Variants in DISC1 observed in about 807,000 individuals in gnomAD.
DISC1 encodes DISC1 scaffold protein.
A neutral mutation model predicts 84.5 loss-of-function variants in DISC1; 57 were observed. The observed-to-expected ratio is 0.67, with a 90% CI of 0.55 to 0.84. The LOEUF is 0.84. Among genes scored for constraint, DISC1 ranks in the 40% least tolerant of loss-of-function variants. DISC1 has a pLI of 0.00. For missense variants in DISC1, 1,000 were observed against 1,057.8 expected (o/e 0.95, Z 0.76); for synonymous variants, 411 against 415.2 (o/e 0.99, Z 0.12).
chr1:231,982,789 A>G (rs1275011425), intron 10 of DISC1, among the ~76,000 whole-genome samples: 3 of 152,144 alleles, frequency 2.0e-5, no homozygotes, highest in Non-Finnish European at 4.4e-5. Context: ...CGTGTGAAGA[A>G]CAAAATGAAA....
Position 231,633,326 on chromosome 1 carries a change from A to G in DISC1, c.67+6392A>G, listed in dbSNP as rs4285683. Among the ~76,000 whole-genome samples the G allele has an allele frequency of 3.3e-3, 500 of 152,292 alleles. 7 individuals are homozygous for G. The highest frequency in any genetic ancestry group is 0.012 in the African/African-American group (478 of 41,560). On this transcript the variant is annotated intron_variant, in intron 1 of 12. Transcript: ENST00000439617. ...GAATAGGCTACCCCGAAAGGCAGAG[A>G]GCATTTTGTCATTGGAAGTATGTAG...
intron 9 of DISC1, among the ~76,000 whole-genome samples, chr1:231,861,051 G>A (rs1235440207): frequency 6.6e-6 from 1 of 152,288 alleles, no homozygotes; most frequent in Non-Finnish European, 1.5e-5. Context: ...TCTAAAGAAA[G>A]TCTTCAACTT....
At chr1:231,713,707 T>TG (rs1488777868) in intron 3 of DISC1, among the ~76,000 whole-genome samples, 17 of 69,880 alleles carry the variant, frequency 2.4e-4, no homozygotes, top group African/African-American at 6.8e-4. Flanking sequence ...ATAGGAGATA[T>TG]ATATATATAT....
intron 9 of DISC1, among the ~76,000 whole-genome samples, chr1:231,864,993 G>A (rs948908242): frequency 4.6e-5 from 7 of 152,144 alleles, no homozygotes; most frequent in African/African-American, 1.7e-4. Flanking sequence ...CCACACCACG[G>A]CTGTGGTAGA....
chr1:231,824,135 G>A (rs1472230882), intron 9 of DISC1, among the ~76,000 whole-genome samples: 1 of 152,018 alleles, frequency 6.6e-6, no homozygotes, highest in Non-Finnish European at 1.5e-5. Context: ...CTTTGGCTAC[G>A]ACCTATGTAT....
intron 10 of DISC1, among the ~76,000 whole-genome samples, chr1:231,995,965 A>C (rs1665899006): frequency 6.6e-6 from 1 of 152,064 alleles, no homozygotes; most frequent in Non-Finnish European, 1.5e-5. Flanking sequence ...CAACAGTGTA[A>C]AAGTGTTCCT....
chr1:231,870,466 T>A (rs1482532093), intron 9 of DISC1, among the ~76,000 whole-genome samples: 1 of 152,194 alleles, frequency 6.6e-6, no homozygotes, highest in Admixed American at 6.5e-5. Flanking sequence ...TTGGCCAGAG[T>A]GTGCTGGCTT....
chr1:231,707,571 A>G (rs1407090546), intron 3 of DISC1, among the ~76,000 whole-genome samples: 4 of 152,214 alleles, frequency 2.6e-5, no homozygotes, highest in African/African-American at 2.4e-5. Context: ...TAGACCTGCA[A>G]ACACAAATGG....
intron 3 of DISC1, among the ~76,000 whole-genome samples, chr1:231,744,053 G>A (rs2073669722): frequency 6.6e-6 from 1 of 152,186 alleles, no homozygotes; most frequent in South Asian, 2.1e-4. Context: ...GTTGAAAAAT[G>A]TGTTTTAATT....
chr1:231,813,853 G>A (rs1006888988), intron 8 of DISC1, among the ~76,000 whole-genome samples: 1 of 152,032 alleles, frequency 6.6e-6, no homozygotes, highest in African/African-American at 2.4e-5. Context: ...ACCTCTCCTA[G>A]TATTTGTTTT....
intron 9 of DISC1, among the ~76,000 whole-genome samples, chr1:231,937,358 T>C (rs1200634808): frequency 6.6e-6 from 1 of 152,144 alleles, no homozygotes; most frequent in Non-Finnish European, 1.5e-5. Context: ...CAGGAAACTG[T>C]GGGGGTTGGA....
intron 6 of DISC1, among the ~76,000 whole-genome samples, chr1:231,773,677 C>T (rs543920598): frequency 2.6e-5 from 4 of 152,280 alleles, no homozygotes; most frequent in Non-Finnish European, 4.4e-5. Context: ...AGCCACTGCG[C>T]CCAGCCAATT....
At chr1:231,803,600 A>C (rs1002945969) in intron 8 of DISC1, among the ~76,000 whole-genome samples, 2 of 152,120 alleles carry the variant, frequency 1.3e-5, no homozygotes, top group African/African-American at 4.8e-5. Flanking sequence ...CTCTTGCAAC[A>C]TAGCAGCTGA....
At chr1:231,989,169 A>C (rs1158799960) in intron 10 of DISC1, among the ~76,000 whole-genome samples, 1 of 152,222 alleles carries the variant, frequency 6.6e-6, no homozygotes, top group African/African-American at 2.4e-5. Flanking sequence ...ACCATGAAGT[A>C]ATATCAGTTA....
chr1:231,984,415 A>T (rs995398351), intron 10 of DISC1, among the ~76,000 whole-genome samples: 1 of 152,160 alleles, frequency 6.6e-6, no homozygotes. Flanking sequence ...AAAGAGGGGG[A>T]AAGTTCAAAA....
At chr1:231,657,873 G>A (rs2061252239) in intron 1 of DISC1, among the ~76,000 whole-genome samples, 1 of 152,130 alleles carries the variant, frequency 6.6e-6, no homozygotes, top group Admixed American at 6.5e-5. Flanking sequence ...CTGCTGTTTT[G>A]GTTACTGTAG....
At position 231,694,028 on chromosome 1, in the gene DISC1, G is replaced by A. The variant is rs145101392; in HGVS notation, c.270G>A (p.Ser90=). 11 of 1,614,034 alleles carry A rather than the reference G, an allele frequency of 6.8e-6. No individual in the cohort carries two copies. Among genetic ancestry groups the A allele is most frequent in the South Asian group, 1.1e-5 (1 of 91,078 alleles). ...GGGCCAGACAGTGTGGCCTTGACTC[G>A]AGAGGCCTCTTGGTCCGGAGCCCTG... The part of the protein sequence containing the change: ...ESRARQCGLD[S]RGLLVRSPVS... The change falls in exon 2 of 13, where the codon TCG becomes TCA. Residue 90 remains serine (S), a synonymous_variant. Transcript: ENST00000439617.
At chr1:231,839,794 G>A (rs1361791895) in intron 9 of DISC1, among the ~76,000 whole-genome samples, 1 of 152,172 alleles carries the variant, frequency 6.6e-6, no homozygotes, top group Admixed American at 6.5e-5. Flanking sequence ...GGTGGAAAGG[G>A]CAGGGGAGCC....
intron 10 of DISC1, among the ~76,000 whole-genome samples, chr1:231,998,764 G>C (rs1398434706): frequency 6.6e-6 from 1 of 152,150 alleles, no homozygotes; most frequent in South Asian, 2.1e-4. Flanking sequence ...CACAGAGTAT[G>C]CAAATAAAGC....
Sources: allele counts gnomAD v4.1 joint callset (sites outside exome capture counted in the v4.1 genomes callset), GRCh38; gene constraint gnomAD v4.1.1; transcripts MANE v1.5; gene names NCBI Gene and HGNC (gene_info 2026-07-23, HGNC 2026-07-21).